The following NRXN1 variants were observed in gnomAD, a reference collection of about 807,000 sequenced individuals.
NRXN1 encodes the protein neurexin-1.
A neutral mutation model predicts 150.9 loss-of-function variants in NRXN1; 39 were observed. That is an observed-to-expected ratio of 0.26 (90% CI 0.20 to 0.34). The LOEUF (loss-of-function observed/expected upper bound fraction) is 0.34. NRXN1 is among the 10% of genes least tolerant of loss of function. The pLI, the probability that NRXN1 is intolerant of heterozygous loss-of-function variation, is 1.00. For missense variants in NRXN1, 1,815 were observed against 1,949.9 expected (o/e 0.93, Z 1.30); for synonymous variants, 924 against 757.0 (o/e 1.22, Z -3.62).
chr2:50,164,889 G>T (rs941260265), intron 18 of NRXN1, among the ~76,000 whole-genome samples: 1 of 152,080 alleles, frequency 6.6e-6, no homozygotes, highest in African/African-American at 2.4e-5. Context: ...TCACTTCCAG[G>T]GCTCTGTACT....
intron 19 of NRXN1, among the ~76,000 whole-genome samples, chr2:50,077,946 T>A (rs1202184399): frequency 6.6e-6 from 1 of 152,092 alleles, no homozygotes; most frequent in Non-Finnish European, 1.5e-5. Context: ...GTTAAATTCA[T>A]AAAGCTAAAA....
At chr2:50,594,863 T>G (rs1674887014) in intron 8 of NRXN1, among the ~76,000 whole-genome samples, 1 of 152,124 alleles carries the variant, frequency 6.6e-6, no homozygotes, top group East Asian at 1.9e-4. Context: ...GTGACTCTCA[T>G]ACTGCTCAGG....
chr2:50,385,995 ATAAC>A lies in NRXN1; in HGVS notation c.3364+79443_3364+79446del, dbSNP rs1452712596. On this transcript the variant is annotated intron_variant, in intron 17 of 22. Coordinates refer to ENST00000401669, the MANE Select transcript of NRXN1 (RefSeq NM_001330078.2). ...GTGATATATTTTATCACTAAAATAA[ATAAC>A]TAAATATACATGCATATATATTTAT... Among the ~76,000 whole-genome samples the A allele has an allele frequency of 2.0e-5, 3 of 152,056 alleles. No individual in the cohort carries two copies. In the South Asian group the frequency reaches 6.2e-4, roughly 31 times the overall value.
intron 21 of NRXN1, among the ~76,000 whole-genome samples, chr2:50,037,055 T>C (rs1001064382): frequency 6.6e-6 from 1 of 152,186 alleles, no homozygotes; most frequent in Non-Finnish European, 1.5e-5. Context: ...AAAAACTAAA[T>C]GACACAAAAG....
chr2:50,484,839 G>A (rs1379457980), intron 15 of NRXN1, among the ~76,000 whole-genome samples: 1 of 152,144 alleles, frequency 6.6e-6, no homozygotes, highest in African/African-American at 2.4e-5. Flanking sequence ...GTTATACAAT[G>A]TAGTAGAAAA....
chr2:50,732,717 A>G (rs1330864087), intron 5 of NRXN1, among the ~76,000 whole-genome samples: 3 of 152,164 alleles, frequency 2.0e-5, no homozygotes, highest in African/African-American at 7.2e-5. Context: ...TCAATGCAAC[A>G]TATATTTTTG....
At position 50,868,141 on chromosome 2, in the gene NRXN1, TTATATATATATATATATATATATATATA is replaced by T. The variant is rs70958631; in HGVS notation, c.832+53700_832+53727del. 6.9e-3 allele frequency among the ~76,000 whole-genome samples: 606 copies of T among 87,722 alleles called. 13 individuals carry two copies. The highest frequency in any genetic ancestry group is 0.028 in the African/African-American group (544 of 19,130). 57.5% of individuals were successfully genotyped at this position (87,722 alleles called of 152,430 possible). On this transcript the variant is annotated intron_variant, in intron 5 of 22. Transcript: ENST00000401669. The stretch of plus-strand genomic sequence containing the variant: ...ACTGGATGAATGGATAAACAAAATA[TTATATATATATATATATATATATATATA>T]TATATATATATATATATATGCATAC...
chr2:50,992,434 AT>A (rs1204688055), intron 2 of NRXN1, among the ~76,000 whole-genome samples: 3 of 152,004 alleles, frequency 2.0e-5, no homozygotes, highest in African/African-American at 7.2e-5. Context: ...CACCCTCATC[AT>A]TAGCACACAG....
intron 12 of NRXN1, among the ~76,000 whole-genome samples, chr2:50,508,647 A>G (rs1026440971): frequency 5.9e-5 from 9 of 152,134 alleles, no homozygotes; most frequent in African/African-American, 2.2e-4. Context: ...TTTGTCAAGG[A>G]AAGGAAGCAT....
chr2:50,166,104 T>C (rs1413623967), intron 18 of NRXN1, among the ~76,000 whole-genome samples: 1 of 152,084 alleles, frequency 6.6e-6, no homozygotes, highest in Non-Finnish European at 1.5e-5. Flanking sequence ...AATCTGAAAC[T>C]TTGCAGCCAA....
chr2:50,952,522 G>GTAGGC (rs1292067799), intron 2 of NRXN1, among the ~76,000 whole-genome samples: 2 of 151,902 alleles, frequency 1.3e-5, no homozygotes, highest in African/African-American at 4.9e-5. Flanking sequence ...TTGCTACATG[G>GTAGGC]TAGGCACAGC....
At chr2:50,492,829 A>G (rs1360751293) in intron 15 of NRXN1, among the ~76,000 whole-genome samples, 1 of 152,262 alleles carries the variant, frequency 6.6e-6, no homozygotes, top group Non-Finnish European at 1.5e-5. Context: ...ACAAAAATTT[A>G]AAAGTGAGTT....
At chr2:50,651,051 T>C (rs914934681) in intron 5 of NRXN1, among the ~76,000 whole-genome samples, 1 of 152,072 alleles carries the variant, frequency 6.6e-6, no homozygotes, top group African/African-American at 2.4e-5. Context: ...AGAATACTAC[T>C]TTTAAGCACA....
intron 21 of NRXN1, among the ~76,000 whole-genome samples, chr2:50,000,643 T>C (rs1047004132): frequency 6.6e-6 from 1 of 152,184 alleles, no homozygotes; most frequent in African/African-American, 2.4e-5. Context: ...CAATAGAGAT[T>C]AATAAGAATA....
chr2:50,959,246 T>A (rs1438762349), intron 2 of NRXN1, among the ~76,000 whole-genome samples: 2 of 152,086 alleles, frequency 1.3e-5, no homozygotes, highest in African/African-American at 4.8e-5. Context: ...ACCCAGTGAT[T>A]CCACTGTCAT....
At chr2:50,538,746 A>G (rs1158656233) in intron 9 of NRXN1, 110 bp from the exon 10 acceptor site, 3 of 844,730 alleles carry the variant, frequency 3.6e-6, no homozygotes, top group Non-Finnish European at 5.0e-6. Flanking sequence ...GCAGACAATT[A>G]TTATTATTCT....
chr2:50,129,212 T>TG, intron 18 of NRXN1, among the ~76,000 whole-genome samples: 2 of 152,098 alleles, frequency 1.3e-5, no homozygotes, highest in South Asian at 4.1e-4. Flanking sequence ...CATTTTTTTT[T>TG]AAGTATAACT....
At chr2:50,221,041 T>C (rs905090721) in intron 18 of NRXN1, among the ~76,000 whole-genome samples, 1 of 152,046 alleles carries the variant, frequency 6.6e-6, no homozygotes, top group African/African-American at 2.4e-5. Context: ...TTGAAGGTGC[T>C]CCTCTGTTTG....
At chr2:50,037,476 A>G (rs1690217909) in intron 21 of NRXN1, among the ~76,000 whole-genome samples, 1 of 152,170 alleles carries the variant, frequency 6.6e-6, no homozygotes, top group Admixed American at 6.5e-5. Context: ...ATAAAATTAT[A>G]CCTGGTTTTT....
Sources: gnomAD v4.1 joint callset for allele counts (sites outside exome capture counted in the v4.1 genomes callset) on GRCh38, gnomAD v4.1.1 for gene constraint, MANE v1.5 for transcripts, NCBI Gene and HGNC (gene_info 2026-07-23, HGNC 2026-07-21) for gene names.